SLC28A2: variants seen among roughly 807,000 people sequenced by gnomAD.
The protein encoded by SLC28A2 is sodium/nucleoside cotransporter 2.
A neutral mutation model predicts 72.9 loss-of-function variants in SLC28A2; 69 were observed. That is an observed-to-expected ratio of 0.95 (90% CI 0.78 to 1.16). SLC28A2 has a LOEUF of 1.16. Ranked by LOEUF, SLC28A2 falls within the 50% of genes most tolerant of loss-of-function variation. The pLI, the probability that SLC28A2 is intolerant of heterozygous loss-of-function variation, is 0.00. For synonymous variants in SLC28A2, 296 were observed against 294.1 expected (o/e 1.01, Z -0.07); for missense variants, 745 against 791.1 (o/e 0.94, Z 0.70).
chr15:45,266,742 T>A lies in SLC28A2; in HGVS notation c.942+581T>A, dbSNP rs560234325. Among the ~76,000 whole-genome samples the A allele has an allele frequency of 2.0e-5, 3 of 152,348 alleles. No homozygotes were observed. The East Asian group carries it at 5.8e-4, about 29-fold the overall frequency. ...AGGCTCTAGGCTGCTTCTGAAATGT[T>A]CTCAGAGTACTTCTGGATACTTTAC... On this transcript the variant is annotated intron_variant, in intron 10 of 17. Coordinates refer to ENST00000347644, the MANE Select transcript of SLC28A2 (RefSeq NM_004212.4).
chr15:45,273,544 A>AAG (rs1315987875), intron 17 of SLC28A2, among the ~76,000 whole-genome samples: 3 of 152,336 alleles, frequency 2.0e-5, no homozygotes, highest in African/African-American at 7.2e-5. Flanking sequence ...GAGAGATCAT[A>AAG]AGAAGCCTTG....
At position 45,276,214 on chromosome 15, in the gene SLC28A2, G is replaced by C. The variant is rs925240726; in HGVS notation, c.*701G>C. On this transcript the variant is annotated 3_prime_UTR_variant, in exon 18 of 18. Coordinates refer to ENST00000347644, the MANE Select transcript of SLC28A2 (RefSeq NM_004212.4). ...ATGAAATTGGAAATCATCATTCTCAGTAAACTATCGCAAGGACAAAAAACC... is the reference window on the plus strand; with the variant it reads ...ATGAAATTGGAAATCATCATTCTCACTAAACTATCGCAAGGACAAAAAACC... 6.6e-6 allele frequency: 1 copy of C among 152,016 alleles called. No homozygotes were observed. The highest frequency in any genetic ancestry group is 2.4e-5 in the African/African-American group (1 of 41,360). The allele number at this position is 152,016 out of a possible 1,614,324, so 9.4% of individuals were successfully genotyped here.
chr15:45,262,545 G>A (rs1023131684), intron 4 of SLC28A2, among the ~76,000 whole-genome samples: 1 of 152,164 alleles, frequency 6.6e-6, no homozygotes, highest in Non-Finnish European at 1.5e-5. Context: ...GGGCTTTAAT[G>A]TCAAAATAGG....
intron 17 of SLC28A2, among the ~76,000 whole-genome samples, 185 bp downstream of exon 17, chr15:45,272,969 T>C (rs1389647919): frequency 6.6e-6 from 1 of 152,192 alleles, no homozygotes; most frequent in African/African-American, 2.4e-5. Flanking sequence ...AGGGTCTACC[T>C]GTGTTAGTGG....
At chr15:45,271,367 G>T (rs1211367895) in intron 15 of SLC28A2, among the ~76,000 whole-genome samples, 1 of 152,136 alleles carries the variant, frequency 6.6e-6, no homozygotes, top group African/African-American at 2.4e-5. Flanking sequence ...TTTGAGAGCA[G>T]CCTGGGGCAA....
intron 5 of SLC28A2, 99 bp downstream of exon 5, chr15:45,263,343 T>C (rs1163308427): frequency 1.9e-5 from 23 of 1,186,866 alleles, no homozygotes; most frequent in Admixed American, 7.8e-5. Context: ...GACCTGCACA[T>C]AGGCTTTTCA....
intron 4 of SLC28A2, 84 bp downstream of exon 4, chr15:45,262,190 G>A (rs1012113410): frequency 1.5e-5 from 14 of 925,930 alleles, no homozygotes; most frequent in Non-Finnish European, 2.1e-5. Flanking sequence ...CAGGTGGAAG[G>A]CATTTTTATT....
At chr15:45,269,687 T>A in intron 14 of SLC28A2, 152 bp downstream of exon 14, 1 of 663,888 alleles carries the variant, frequency 1.5e-6, no homozygotes, top group Non-Finnish European at 2.7e-6. Context: ...ACAGCCTACC[T>A]AGCAGCCTCA....
chr15:45,269,802 G>A (rs1459117772), intron 14 of SLC28A2, among the ~76,000 whole-genome samples: 2 of 152,172 alleles, frequency 1.3e-5, no homozygotes, highest in Non-Finnish European at 2.9e-5. Context: ...TAATTGCTGG[G>A]TCTTTACAGC....
chr15:45,270,330 T>C lies in SLC28A2; in HGVS notation c.1648+54T>C, dbSNP rs111908669. The stretch of plus-strand genomic sequence containing the variant: ...AGTAAGACAGCCAGATCCCAGCTTC[T>C]GTAGTGGGCAGTCCTGGTGCTTCAG... On this transcript the variant is annotated intron_variant, in intron 15 of 17. Transcript: ENST00000347644. 541 of 1,196,512 alleles carry C rather than the reference T, an allele frequency of 4.5e-4. No individual in the cohort carries two copies. In the African/African-American group the frequency reaches 7.4e-3, roughly 16 times the overall value. The allele number at this position is 1,196,512 out of a possible 1,614,324, so 74.1% of individuals were successfully genotyped here.
In SLC28A2 at chr15:45,275,675, C is replaced by T. The variant is rs183740563; in HGVS notation, c.*162C>T. 4 of 602,276 alleles carry T rather than the reference C, an allele frequency of 6.6e-6. No individual in the cohort carries two copies. Among genetic ancestry groups the T allele is most frequent in the Non-Finnish European group, 1.2e-5 (4 of 337,914 alleles). The allele number at this position is 602,276 out of a possible 1,614,324, so 37.3% of individuals were successfully genotyped here. ...TTTGGGCCGGGCTCAGTGGCTCATG[C>T]CTGTAATCCCAGCACTTTGGGAGGC... On this transcript the variant is annotated 3_prime_UTR_variant, in exon 18 of 18. Transcript: ENST00000347644.
rs772257572 is a variant in SLC28A2, at chr15:45,262,003, G to C, written c.171-12G>C. 2 of 1,577,150 alleles carry C rather than the reference G, an allele frequency of 1.3e-6. No homozygotes were observed. The highest frequency in any genetic ancestry group is 3.3e-5 in the Admixed American group (2 of 59,852). On this transcript the variant is annotated splice_polypyrimidine_tract_variant and intron_variant, in intron 3 of 17. Coordinates refer to ENST00000347644, the MANE Select transcript of SLC28A2 (RefSeq NM_004212.4). Reference sequence around the variant, plus strand: ...AGTAATTCTTGTATCTTAACTTTTGGGTTCTTATTAGGAGGAGTCGGTGGC... The same window carrying C: ...AGTAATTCTTGTATCTTAACTTTTGCGTTCTTATTAGGAGGAGTCGGTGGC...
intron 17 of SLC28A2, among the ~76,000 whole-genome samples, 171 bp from the exon 18 acceptor site, chr15:45,275,225 C>T (rs1900713773): frequency 6.6e-6 from 1 of 152,148 alleles, no homozygotes; most frequent in African/African-American, 2.4e-5. Context: ...CTAGTATTAT[C>T]TTGGGAATGA....
In SLC28A2 at chr15:45,267,812, C is replaced by T. The variant is rs769028060; in HGVS notation, c.1199+16C>T. 1.2e-6 allele frequency: 2 copies of T among 1,613,564 alleles called. No homozygotes were observed. The highest frequency in any genetic ancestry group is 2.2e-5 in the East Asian group (1 of 44,880). On this transcript the variant is annotated intron_variant, in intron 12 of 17. Transcript: ENST00000347644. ...TGCCCCGTGGGTGAGTCCAAGGAGGCATATACTTTGGGAGATGGTGAGCTG... is the reference window on the plus strand; with the variant it reads ...TGCCCCGTGGGTGAGTCCAAGGAGGTATATACTTTGGGAGATGGTGAGCTG...
intron 14 of SLC28A2, 22 bp downstream of exon 14, chr15:45,269,557 AT>A: frequency 6.3e-7 from 1 of 1,598,490 alleles, no homozygotes; most frequent in African/African-American, 1.3e-5. Flanking sequence ...TCCAAAAAGC[AT>A]AAACACCGTG....
At chr15:45,272,161 A>G in intron 15 of SLC28A2, 134 bp from the exon 16 acceptor site, 2 of 662,132 alleles carry the variant, frequency 3.0e-6, no homozygotes, top group South Asian at 1.8e-5. Context: ...GGCCAGTCTC[A>G]GGTGGATGGT....
intron 14 of SLC28A2, among the ~76,000 whole-genome samples, chr15:45,269,968 C>T (rs1900494778): frequency 6.6e-6 from 1 of 152,194 alleles, no homozygotes; most frequent in Admixed American, 6.5e-5. Context: ...TCTCGTTATT[C>T]ATAGCCTTCA....
chr15:45,265,836 C>A (rs1900316219), intron 9 of SLC28A2, among the ~76,000 whole-genome samples, 173 bp downstream of exon 9: 1 of 152,104 alleles, frequency 6.6e-6, no homozygotes, highest in Non-Finnish European at 1.5e-5. Context: ...AGGCTGAGGG[C>A]AGAGCAGAGA....
intron 3 of SLC28A2, among the ~76,000 whole-genome samples, chr15:45,256,532 C>T (rs1360579929): frequency 2.6e-5 from 4 of 152,038 alleles, no homozygotes; most frequent in East Asian, 1.9e-4. Flanking sequence ...CTCAGCCTCC[C>T]GAGTAGCTGG....
Sources: allele counts gnomAD v4.1 joint callset (sites outside exome capture counted in the v4.1 genomes callset), GRCh38; gene constraint gnomAD v4.1.1; transcripts MANE v1.5; gene names NCBI Gene and HGNC (gene_info 2026-07-23, HGNC 2026-07-21).